The following DRC11 variants were observed in gnomAD, a reference collection of about 807,000 sequenced individuals.
The protein encoded by DRC11 is dynein regulatory complex subunit 11, also known as IQ and AAA domain-containing protein 1.
the DRC11 span, among the ~76,000 whole-genome samples, chr2:236,383,231 T>C: frequency 1.3e-5 from 2 of 152,202 alleles, no homozygotes; most frequent in African/African-American, 2.4e-5. Flanking sequence ...GTCCAACTTA[T>C]TAGCATATAA....
chr2:236,447,498 C>T, the DRC11 span, among the ~76,000 whole-genome samples: 2 of 151,942 alleles, frequency 1.3e-5, no homozygotes, highest in African/African-American at 2.4e-5. The surrounding 1 kb of genome is among the most constrained non-coding windows in gnomAD (Gnocchi z 4.6). Flanking sequence ...ATGGGACTTA[C>T]GTTTTAAGAG....
the DRC11 span, among the ~76,000 whole-genome samples, chr2:236,416,708 C>CATATATATATATTT: frequency 1.3e-5 from 1 of 74,590 alleles, no homozygotes; most frequent in Non-Finnish European, 2.7e-5. Flanking sequence ...TATTTATTTA[C>CATATATATATATTT]ATATATATAT....
chr2:236,347,235 T>C, the DRC11 span, among the ~76,000 whole-genome samples: 1 of 152,276 alleles, frequency 6.6e-6, no homozygotes, highest in African/African-American at 2.4e-5. Context: ...TAGGATTTTA[T>C]TTTTTGGCAT....
chr2:236,439,786 A>G, the DRC11 span, among the ~76,000 whole-genome samples: 1 of 152,158 alleles, frequency 6.6e-6, no homozygotes, highest in African/African-American at 2.4e-5. Context: ...CTTGATCTTG[A>G]CATTTTTTTC....
chr2:236,442,971 G>C, the DRC11 span, among the ~76,000 whole-genome samples: 4 of 152,104 alleles, frequency 2.6e-5, no homozygotes, highest in African/African-American at 4.8e-5. Flanking sequence ...ATTAAGAAAT[G>C]GCTGGTTCAG....
the DRC11 span, among the ~76,000 whole-genome samples, chr2:236,315,395 A>G: frequency 6.6e-6 from 1 of 152,208 alleles, no homozygotes; most frequent in African/African-American, 2.4e-5. This position sits in a 1 kb window ranked among gnomAD's most constrained non-coding sequence, Gnocchi z 5.1. Flanking sequence ...ACGTTTTTAC[A>G]CCGTTGGTGG....
the DRC11 span, among the ~76,000 whole-genome samples, chr2:236,360,008 A>C: frequency 2.0e-5 from 3 of 152,156 alleles, no homozygotes; most frequent in Non-Finnish European, 4.4e-5. The surrounding 1 kb of genome is among the most constrained non-coding windows in gnomAD (Gnocchi z 5.8). Flanking sequence ...GATAATTCTA[A>C]TAAACGCAAA....
At chr2:236,502,974 C>G in the DRC11 span, among the ~76,000 whole-genome samples, 1 of 151,998 alleles carries the variant, frequency 6.6e-6, no homozygotes, top group African/African-American at 2.4e-5. Flanking sequence ...AAAAGAAAAG[C>G]TATAAAGACA....
chr2:236,433,868 T>C, the DRC11 span, among the ~76,000 whole-genome samples: 3 of 152,262 alleles, frequency 2.0e-5, no homozygotes, highest in Non-Finnish European at 4.4e-5. Flanking sequence ...TGAATTTCTT[T>C]AAGCATGACA....
At chr2:236,329,994 T>TC in the DRC11 span, among the ~76,000 whole-genome samples, 2 of 152,156 alleles carry the variant, frequency 1.3e-5, no homozygotes, top group African/African-American at 4.8e-5. Flanking sequence ...AGGATAGGCT[T>TC]CCACACCTTA....
At chr2:236,472,998 T>G in the DRC11 span, among the ~76,000 whole-genome samples, 1 of 152,132 alleles carries the variant, frequency 6.6e-6, no homozygotes, top group Non-Finnish European at 1.5e-5. The surrounding 1 kb of genome is among the most constrained non-coding windows in gnomAD (Gnocchi z 4.6). Flanking sequence ...GAACAGCCCT[T>G]TTGCATTTAA....
At chr2:236,416,060 C>G in the DRC11 span, among the ~76,000 whole-genome samples, 1 of 151,968 alleles carries the variant, frequency 6.6e-6, no homozygotes, top group Non-Finnish European at 1.5e-5. Context: ...TCTCCCAGAT[C>G]GGGTTCCCTG....
At chr2:236,405,574 A>G in the DRC11 span, among the ~76,000 whole-genome samples, 12 of 152,112 alleles carry the variant, frequency 7.9e-5, no homozygotes, top group East Asian at 2.3e-3. This position sits in a 1 kb window ranked among gnomAD's most constrained non-coding sequence, Gnocchi z 4.6. Context: ...TTGCTTTCTC[A>G]TCGGCCTCTC....
At chr2:236,450,381 G>A in the DRC11 span, among the ~76,000 whole-genome samples, 8 of 137,920 alleles carry the variant, frequency 5.8e-5, no homozygotes, top group African/African-American at 1.6e-4. Flanking sequence ...GTGCAGTGGC[G>A]CAATCTCGGC....
chr2:236,344,204 C>T, the DRC11 span, among the ~76,000 whole-genome samples: 2 of 152,122 alleles, frequency 1.3e-5, no homozygotes, highest in Admixed American at 6.6e-5. Flanking sequence ...GGGCCTTTTG[C>T]TATTTATTAT....
At chr2:236,505,976 C>T in the DRC11 span, among the ~76,000 whole-genome samples, 1 of 152,186 alleles carries the variant, frequency 6.6e-6, no homozygotes, top group African/African-American at 2.4e-5. Context: ...TTTCTCTCCC[C>T]CTACATTCAC....
At chr2:236,457,823 G>C in the DRC11 span, among the ~76,000 whole-genome samples, 1 of 152,214 alleles carries the variant, frequency 6.6e-6, no homozygotes, top group Non-Finnish European at 1.5e-5. This position sits in a 1 kb window ranked among gnomAD's most constrained non-coding sequence, Gnocchi z 4.7. Context: ...CTTCTGGAGG[G>C]AGTACAGCCC....
At chr2:236,465,470 C>A in the DRC11 span, 2 of 1,566,080 alleles carry the variant, frequency 1.3e-6, no homozygotes, top group Non-Finnish European at 8.8e-7. The surrounding 1 kb of genome is among the most constrained non-coding windows in gnomAD (Gnocchi z 6.2). Flanking sequence ...CACTAAAGAA[C>A]AGACTGGATA....
chr2:236,455,187 C>T, the DRC11 span: 1 of 152,296 alleles, frequency 6.6e-6, no homozygotes, highest in African/African-American at 2.4e-5. This position sits in a 1 kb window ranked among gnomAD's most constrained non-coding sequence, Gnocchi z 5.7. Context: ...CACTCCTCTG[C>T]ACCACGTGGC....
Sources: allele counts gnomAD v4.1 joint callset (sites outside exome capture counted in the v4.1 genomes callset), GRCh38; gene constraint gnomAD v4.1.1; non-coding constraint Gnocchi (gnomAD v3.1); transcripts MANE v1.5; gene names NCBI Gene and HGNC (gene_info 2026-07-23, HGNC 2026-07-21).